MGAT4C: variants seen among roughly 807,000 people sequenced by gnomAD.
MGAT4C encodes MGAT4 family member C.
MGAT4C carries 19 observed loss-of-function variants against 40.1 expected under a neutral mutation model. The observed-to-expected ratio is 0.47, with a 90% CI of 0.33 to 0.70. The LOEUF is 0.70. Among genes scored for constraint, MGAT4C ranks in the 30% least tolerant of loss-of-function variants. The pLI is 0.02. For missense variants in MGAT4C, 491 were observed against 563.2 expected (o/e 0.87, Z 1.30); for synonymous variants, 181 against 187.1 (o/e 0.97, Z 0.27).
At chr12:86,053,054 G>A (rs116665825) in intron 1 of MGAT4C, among the ~76,000 whole-genome samples, 5,967 of 151,878 alleles carry the variant, frequency 0.039, 141 homozygotes, top group Middle Eastern at 0.068. Flanking sequence ...CAAGCAAAGC[G>A]AAAGATCTTT....
intron 1 of MGAT4C, among the ~76,000 whole-genome samples, chr12:86,227,487 C>A (rs1951136938): frequency 2.0e-5 from 3 of 151,866 alleles, no homozygotes; most frequent in African/African-American, 4.8e-5. Flanking sequence ...ATATTCTTAC[C>A]TGGGTGTTTG....
intron 1 of MGAT4C, among the ~76,000 whole-genome samples, chr12:86,797,757 T>A (rs567210965): frequency 6.6e-6 from 1 of 152,104 alleles, no homozygotes; most frequent in Admixed American, 6.6e-5. Flanking sequence ...ATAAGGCACT[T>A]TATTGATAAT....
chr12:86,376,369 C>T (rs12314930), intron 3 of MGAT4C, among the ~76,000 whole-genome samples: 2 of 151,862 alleles, frequency 1.3e-5, no homozygotes, highest in Non-Finnish European at 2.9e-5. Flanking sequence ...CAGAATGAGA[C>T]CCTGTCTCAA....
rs181388718 is a variant in MGAT4C, at chr12:86,547,467, T to G, written c.-228-112202A>C. ...ATTCATGTAGACAGGCATTTTTGACTGTTTATCTCATTGATATCTTACCTG... is the reference window on the plus strand; with the variant it reads ...ATTCATGTAGACAGGCATTTTTGACGGTTTATCTCATTGATATCTTACCTG... On this transcript the variant is annotated intron_variant, in intron 2 of 7. Coordinates refer to the MGAT4C transcript ENST00000548651. 1.9e-3 allele frequency among the ~76,000 whole-genome samples: 287 copies of G among 152,262 alleles called. 1 individual carries two copies. The highest frequency in any genetic ancestry group is 6.8e-3 in the Middle Eastern group (2 of 294).
intron 2 of MGAT4C, among the ~76,000 whole-genome samples, chr12:86,606,046 A>G (rs1422128845): frequency 6.6e-6 from 1 of 152,110 alleles, no homozygotes; most frequent in Non-Finnish European, 1.5e-5. Context: ...AGGCTGCAGG[A>G]AGGAGAAGTG....
At chr12:86,467,235 T>C (rs1026416761) in intron 2 of MGAT4C, among the ~76,000 whole-genome samples, 1 of 152,138 alleles carries the variant, frequency 6.6e-6, no homozygotes, top group Non-Finnish European at 1.5e-5. Context: ...TTCTCTCTCC[T>C]CTGCAAATTA....
intron 2 of MGAT4C, among the ~76,000 whole-genome samples, chr12:86,672,856 A>C (rs188643103): frequency 4.4e-4 from 67 of 152,254 alleles, no homozygotes; most frequent in Admixed American, 2.3e-3. Flanking sequence ...AGCATCATGC[A>C]ATGTACCCGG....
chr12:86,227,950 G>A (rs1951161029), intron 1 of MGAT4C, among the ~76,000 whole-genome samples: 3 of 151,734 alleles, frequency 2.0e-5, no homozygotes. Flanking sequence ...TCTGAATCAT[G>A]GCTTTTTAAT....
At chr12:86,599,564 T>A (rs548765037) in intron 2 of MGAT4C, 85 of 152,274 alleles carry the variant, frequency 5.6e-4, no homozygotes, top group African/African-American at 1.9e-3. Flanking sequence ...TGTTGCCAAA[T>A]AATGGAGACT....
At chr12:85,988,188 T>G (rs1202554961) in intron 3 of MGAT4C, among the ~76,000 whole-genome samples, 4 of 152,138 alleles carry the variant, frequency 2.6e-5, no homozygotes. Flanking sequence ...AGAGAAACAT[T>G]AAGGGTCCAC....
At chr12:86,026,090 A>C (rs574262129) in intron 2 of MGAT4C, among the ~76,000 whole-genome samples, 1 of 151,926 alleles carries the variant, frequency 6.6e-6, no homozygotes, top group Non-Finnish European at 1.5e-5. Flanking sequence ...CTAACACCGA[A>C]ATTTTTAAAA....
At chr12:86,727,710 G>A (rs537649920) in intron 1 of MGAT4C, among the ~76,000 whole-genome samples, 1 of 152,000 alleles carries the variant, frequency 6.6e-6, no homozygotes, top group African/African-American at 2.4e-5. Context: ...AGGGAGAAGT[G>A]ATCTAAAACA....
chr12:86,130,049 T>A (rs1431379053), intron 1 of MGAT4C, among the ~76,000 whole-genome samples: 2 of 152,214 alleles, frequency 1.3e-5, no homozygotes, highest in Non-Finnish European at 2.9e-5. Flanking sequence ...TTGAAGTTTT[T>A]AAACAAGTAT....
intron 1 of MGAT4C, among the ~76,000 whole-genome samples, chr12:86,234,698 G>T (rs1284353096): frequency 6.6e-6 from 1 of 151,980 alleles, no homozygotes; most frequent in African/African-American, 2.4e-5. Context: ...CACATTAGTT[G>T]CTTGAGTTTT....
chr12:86,328,186 A>G (rs1246937881), intron 4 of MGAT4C, among the ~76,000 whole-genome samples: 1 of 152,200 alleles, frequency 6.6e-6, no homozygotes, highest in Non-Finnish European at 1.5e-5. Flanking sequence ...ACATTAATAT[A>G]CCATTAATTA....
chr12:86,187,581 G>A (rs1310841462), intron 1 of MGAT4C, among the ~76,000 whole-genome samples: 2 of 151,230 alleles, frequency 1.3e-5, no homozygotes, highest in Non-Finnish European at 3.0e-5. Context: ...TTTTAGATTT[G>A]CCTTTTCTAG....
intron 3 of MGAT4C, among the ~76,000 whole-genome samples, chr12:86,366,740 T>C (rs1271610672): frequency 6.6e-6 from 1 of 152,156 alleles, no homozygotes; most frequent in Non-Finnish European, 1.5e-5. Flanking sequence ...AATTTTTGTT[T>C]AAAAATTAGC....
At chr12:86,378,084 C>A (rs1379697657) in intron 3 of MGAT4C, among the ~76,000 whole-genome samples, 1 of 152,064 alleles carries the variant, frequency 6.6e-6, no homozygotes, top group Non-Finnish European at 1.5e-5. Context: ...TGTGTATATA[C>A]CACATTTATC....
chr12:86,184,482 C>T (rs900803376), intron 1 of MGAT4C, among the ~76,000 whole-genome samples: 2 of 151,470 alleles, frequency 1.3e-5, no homozygotes, highest in African/African-American at 4.9e-5. Flanking sequence ...CCTTTGTCTT[C>T]TTTTCTCGAA....
Sources: allele counts gnomAD v4.1 joint callset (sites outside exome capture counted in the v4.1 genomes callset), GRCh38; gene constraint gnomAD v4.1.1; transcripts MANE v1.5; gene names NCBI Gene and HGNC (gene_info 2026-07-23, HGNC 2026-07-21).